Variants in PRR16 observed in about 807,000 individuals in gnomAD.
PRR16 encodes the protein protein Largen.
In PRR16, 6 loss-of-function variants were observed where a neutral mutation model predicts 18.2. The ratio of observed to expected loss-of-function variants is 0.33; its 90% CI spans 0.18 to 0.65. The LOEUF (loss-of-function observed/expected upper bound fraction) is 0.65, where lower values mean the gene tolerates loss of function less well. PRR16 is among the 30% of genes least tolerant of loss of function. PRR16 has a pLI of 0.74. For missense variants in PRR16, 412 were observed against 376.6 expected (o/e 1.09, Z -0.78); for synonymous variants, 151 against 147.8 (o/e 1.02, Z -0.16).
chr5:120,750,731 T>C, the PRR16 span, among the ~76,000 whole-genome samples: 2 of 152,228 alleles, frequency 1.3e-5, no homozygotes, highest in Admixed American at 6.5e-5. Context: ...TATTTTGATA[T>C]AAGAATTCAA....
chr5:120,785,575 G>GTTGTTTTTTTTTTTT, the PRR16 span, among the ~76,000 whole-genome samples: 90 of 115,378 alleles, frequency 7.8e-4, 5 homozygotes, highest in African/African-American at 2.1e-3. Flanking sequence ...TGTTGTTGTT[G>GTTGTTTTTTTTTTTT]TTTTTTTTTT....
At chr5:120,729,274 C>G in the PRR16 span, among the ~76,000 whole-genome samples, 1 of 152,040 alleles carries the variant, frequency 6.6e-6, no homozygotes. Flanking sequence ...TCAGAGATTT[C>G]CAGATTTATA....
At chr5:120,556,362 T>C (rs75015917) in intron 1 of PRR16, among the ~76,000 whole-genome samples, 7,101 of 151,460 alleles carry the variant, frequency 0.047, 170 homozygotes, top group African/African-American at 0.062. Context: ...TGGGGTGCAG[T>C]CTTGCTCATA....
At chr5:120,791,776 T>C in the PRR16 span, among the ~76,000 whole-genome samples, 104 of 152,236 alleles carry the variant, frequency 6.8e-4, no homozygotes, top group African/African-American at 2.3e-3. Flanking sequence ...ATTAAAAGAA[T>C]AGGTCATTAG....
chr5:120,767,762 A>C, the PRR16 span, among the ~76,000 whole-genome samples: 1 of 151,856 alleles, frequency 6.6e-6, no homozygotes, highest in Non-Finnish European at 1.5e-5. Context: ...GCTATAGCAG[A>C]TATGGCAATC....
chr5:120,729,991 T>C, the PRR16 span, among the ~76,000 whole-genome samples: 1 of 152,160 alleles, frequency 6.6e-6, no homozygotes, highest in African/African-American at 2.4e-5. Flanking sequence ...GATAGCCATA[T>C]AGACAGGGCT....
At chr5:120,769,649 C>T in the PRR16 span, among the ~76,000 whole-genome samples, 113 of 151,750 alleles carry the variant, frequency 7.4e-4, no homozygotes, top group African/African-American at 2.3e-3. Context: ...TTGGTTATTG[C>T]GACTAAAGCT....
intron 1 of PRR16, among the ~76,000 whole-genome samples, chr5:120,657,713 C>T (rs1294025625): frequency 6.6e-6 from 1 of 151,850 alleles, no homozygotes; most frequent in Non-Finnish European, 1.5e-5. Context: ...ATGCTCTTTC[C>T]AAACTCTCCT....
At chr5:120,672,451 T>TC (rs1756642192) in intron 1 of PRR16, among the ~76,000 whole-genome samples, 1 of 151,280 alleles carries the variant, frequency 6.6e-6, no homozygotes, top group Non-Finnish European at 1.5e-5. Context: ...ATCCTGGGAG[T>TC]ATTGTAGCTT....
At chr5:120,750,248 T>C in the PRR16 span, among the ~76,000 whole-genome samples, 9 of 152,258 alleles carry the variant, frequency 5.9e-5, no homozygotes, top group Admixed American at 3.3e-4. Context: ...AAGAGCCTAA[T>C]AGGTAAATTA....
chr5:120,489,977 GC>G (rs1299596485), intron 1 of PRR16, among the ~76,000 whole-genome samples: 1 of 152,052 alleles, frequency 6.6e-6, no homozygotes, highest in African/African-American at 2.4e-5. Context: ...TTGAATATTG[GC>G]CCCCACTCTC....
chr5:120,548,309 T>C (rs969130675), intron 1 of PRR16, among the ~76,000 whole-genome samples: 4 of 152,104 alleles, frequency 2.6e-5, no homozygotes, highest in Non-Finnish European at 4.4e-5. Flanking sequence ...GAGGTAGATA[T>C]GTCAATGTTT....
chr5:120,600,473 A>AGG (rs1753946882), intron 1 of PRR16, among the ~76,000 whole-genome samples: 2 of 151,936 alleles, frequency 1.3e-5, no homozygotes, highest in Admixed American at 1.3e-4. Flanking sequence ...AGAATATGAG[A>AGG]CCTGCTAAGA....
At chr5:120,740,650 G>C in the PRR16 span, among the ~76,000 whole-genome samples, 1 of 152,020 alleles carries the variant, frequency 6.6e-6, no homozygotes, top group South Asian at 2.1e-4. Flanking sequence ...CCAATATATG[G>C]TAGTTTAAAT....
At chr5:120,587,755 AT>A (rs1386912358) in intron 1 of PRR16, among the ~76,000 whole-genome samples, 5 of 152,362 alleles carry the variant, frequency 3.3e-5, no homozygotes, top group African/African-American at 1.2e-4. Flanking sequence ...CATGCCTGTT[AT>A]CACAACAGCC....
the PRR16 span, among the ~76,000 whole-genome samples, chr5:120,715,941 C>T: frequency 6.6e-6 from 1 of 152,086 alleles, no homozygotes; most frequent in Non-Finnish European, 1.5e-5. Flanking sequence ...AAATCTCTCT[C>T]CTTCATGGAA....
At chr5:120,754,007 TTA>T in the PRR16 span, among the ~76,000 whole-genome samples, 6 of 124,436 alleles carry the variant, frequency 4.8e-5, no homozygotes, top group Non-Finnish European at 9.8e-5. Flanking sequence ...AATATATATA[TTA>T]TATAATATAT....
At chr5:120,717,615 A>G in the PRR16 span, among the ~76,000 whole-genome samples, 2 of 152,146 alleles carry the variant, frequency 1.3e-5, no homozygotes, top group Non-Finnish European at 2.9e-5. Flanking sequence ...TTGCCTGGTA[A>G]TAATCTAGAA....
At chr5:120,772,899 C>T in the PRR16 span, among the ~76,000 whole-genome samples, 17 of 152,154 alleles carry the variant, frequency 1.1e-4, no homozygotes, top group South Asian at 2.7e-3. Context: ...GAAGCTCATA[C>T]GAATTTTTAC....
Sources: gnomAD v4.1 joint callset for allele counts (sites outside exome capture counted in the v4.1 genomes callset) on GRCh38, gnomAD v4.1.1 for gene constraint, MANE v1.5 for transcripts, NCBI Gene and HGNC (gene_info 2026-07-23, HGNC 2026-07-21) for gene names.